Variants in CEP170 observed in about 807,000 individuals in gnomAD.
CEP170 encodes the protein centrosomal protein 170, also known as centrosomal protein of 170 kDa.
In CEP170, 21 loss-of-function variants were observed where a neutral mutation model predicts 151.9. The ratio of observed to expected loss-of-function variants is 0.14; its 90% CI spans 0.10 to 0.20. The LOEUF is 0.20. Among genes scored for constraint, CEP170 ranks in the 10% least tolerant of loss-of-function variants. The pLI is 1.00. For synonymous variants in CEP170, 356 were observed against 648.8 expected, an observed-to-expected ratio of 0.55 and a Z score of 6.86; for missense variants, 964 against 1,892.9, an observed-to-expected ratio of 0.51 and a Z score of 9.11.
chr1:243,176,424 C>T (rs2970423), intron 10 of CEP170, among the ~76,000 whole-genome samples: 1 of 151,252 alleles, frequency 6.6e-6, no homozygotes, highest in South Asian at 2.1e-4. Context: ...CTCATTCGTA[C>T]TGGGCGTAGG....
At chr1:243,148,052 G>A (rs9660997) in intron 14 of CEP170, among the ~76,000 whole-genome samples, 4,494 of 151,642 alleles carry the variant, frequency 0.03, 168 homozygotes, top group African/African-American at 0.097. Context: ...GGTGGCATGC[G>A]CCTGTAGTCC....
At chr1:243,248,481 C>T (rs908168596) in intron 1 of CEP170, among the ~76,000 whole-genome samples, 1 of 152,206 alleles carries the variant, frequency 6.6e-6, no homozygotes, top group African/African-American at 2.4e-5. Flanking sequence ...ATTTAACTAT[C>T]CTCAGTCCAA....
At chr1:243,148,774 A>C (rs899428114) in intron 14 of CEP170, among the ~76,000 whole-genome samples, 2 of 152,174 alleles carry the variant, frequency 1.3e-5, no homozygotes, top group Admixed American at 1.3e-4. Context: ...CCTAATGATA[A>C]GGAAAGATCT....
intron 10 of CEP170, among the ~76,000 whole-genome samples, chr1:243,180,033 G>C (rs1558518999): frequency 6.6e-6 from 1 of 152,118 alleles, no homozygotes; most frequent in Non-Finnish European, 1.5e-5. Context: ...TGGCGGTGAT[G>C]GTTGTGCAAC....
intron 17 of CEP170, among the ~76,000 whole-genome samples, chr1:243,130,068 G>T (rs2054216525): frequency 6.6e-6 from 1 of 152,122 alleles, no homozygotes. Context: ...CATCCAGTGG[G>T]TATCTTGGAA....
intron 2 of CEP170, among the ~76,000 whole-genome samples, chr1:243,222,705 C>T (rs147547303): frequency 2.6e-5 from 4 of 152,232 alleles, no homozygotes; most frequent in South Asian, 2.1e-4. Flanking sequence ...CTGAAGTCAT[C>T]GCTCCCATCT....
intron 10 of CEP170, among the ~76,000 whole-genome samples, chr1:243,182,692 G>A (rs1380955962): frequency 1.3e-5 from 2 of 151,352 alleles, no homozygotes; most frequent in African/African-American, 4.9e-5. Context: ...AACAAGTCAT[G>A]TGTGCTCCTG....
chr1:243,124,988 T>TA lies in CEP170; in HGVS notation c.*1460dup, dbSNP rs1229075553. 2.6e-5 allele frequency: 4 copies of TA among 152,160 alleles called. No individual in the cohort carries two copies. The highest frequency in any genetic ancestry group is 9.7e-5 in the African/African-American group (4 of 41,426). 9.4% of individuals were successfully genotyped at this position (152,160 alleles called of 1,614,324 possible). A position where few individuals can be genotyped will look rare whatever the true frequency, so the allele number is the denominator to read the frequency against. On this transcript the variant is annotated 3_prime_UTR_variant, in exon 20 of 20. Transcript: ENST00000366542. ...TTAATTGATCCAACAATACAGGATT[T>TA]AAAAAATCCTGTAAAGTCTTGAAGT... is the stretch of plus-strand genomic sequence containing the variant.
chr1:243,157,011 T>C (rs1193577422), intron 13 of CEP170, among the ~76,000 whole-genome samples: 1 of 152,208 alleles, frequency 6.6e-6, no homozygotes, highest in Non-Finnish European at 1.5e-5. Context: ...ATTACCTCTG[T>C]CATTCAACAT....
intron 15 of CEP170, among the ~76,000 whole-genome samples, chr1:243,141,433 T>C (rs1283360103): frequency 1.3e-5 from 2 of 152,170 alleles, no homozygotes; most frequent in African/African-American, 4.8e-5. Context: ...GTAATTTTCA[T>C]GTTGCGAATT....
rs142127168 is a variant in CEP170, at chr1:243,135,106, C to T, written c.4319+1037G>A. On this transcript the variant is annotated intron_variant, in intron 17 of 19. Transcript: ENST00000366542. ...AAATAAATAGAAAAATGGGACAAGA[C>T]GGTGCAGAATACATTACTTTTAACA... Among the ~76,000 whole-genome samples the T allele has an allele frequency of 3.5e-3, 525 of 152,164 alleles. 2 individuals are homozygous for T. The highest frequency in any genetic ancestry group is 0.011 in the African/African-American group (474 of 41,508).
At chr1:243,187,933 T>G (rs1167903218) in intron 8 of CEP170, among the ~76,000 whole-genome samples, 1 of 152,118 alleles carries the variant, frequency 6.6e-6, no homozygotes. Context: ...TAATAGTGAT[T>G]AATACTATAA....
intron 17 of CEP170, among the ~76,000 whole-genome samples, chr1:243,134,735 C>T (rs1001675752): frequency 1.3e-5 from 2 of 151,368 alleles, no homozygotes; most frequent in African/African-American, 4.9e-5. Context: ...CTCAAATGAT[C>T]CGCCTGCCTT....
rs146730551 is a variant in CEP170, at chr1:243,221,076, G to C, written c.195+648C>G. On this transcript the variant is annotated intron_variant, in intron 3 of 19. Coordinates refer to ENST00000366542, the MANE Select transcript of CEP170 (RefSeq NM_014812.3). ...TGCTTGTTCTGTCGCCCAGGCTGGA[G>C]TGCAGTGGCGCTGTCTCGGCTCACA... Among the ~76,000 whole-genome samples, 721 of 152,194 alleles carry C rather than the reference G, an allele frequency of 4.7e-3. 3 individuals are homozygous for C. The highest frequency in any genetic ancestry group is 0.014 in the African/African-American group (571 of 41,530).
intron 3 of CEP170, among the ~76,000 whole-genome samples, chr1:243,220,864 A>G (rs2062738798): frequency 1.3e-5 from 2 of 152,240 alleles, no homozygotes; most frequent in Non-Finnish European, 2.9e-5. Context: ...AATTCACTTC[A>G]GTAACACAAA....
intron 2 of CEP170, among the ~76,000 whole-genome samples, chr1:243,224,680 A>G (rs1210966634): frequency 6.6e-6 from 1 of 152,160 alleles, no homozygotes; most frequent in Non-Finnish European, 1.5e-5. Context: ...AGTAACTTAC[A>G]GTAACTTTTA....
At chr1:243,236,919 A>G (rs1045855935) in intron 1 of CEP170, among the ~76,000 whole-genome samples, 1 of 152,356 alleles carries the variant, frequency 6.6e-6, no homozygotes, top group African/African-American at 2.4e-5. Flanking sequence ...TAATTTTAGC[A>G]TATCACTAAT....
intron 13 of CEP170, among the ~76,000 whole-genome samples, chr1:243,162,075 T>C (rs1187723157): frequency 6.6e-6 from 1 of 152,146 alleles, no homozygotes; most frequent in Non-Finnish European, 1.5e-5. Context: ...CAATATGGCT[T>C]TACACTCATA....
rs771559393 is a variant in CEP170 at position 243,169,735 on chromosome 1, C to G, written c.1736G>C (p.Gly579Ala). 1.9e-6 allele frequency: 3 copies of G among 1,613,418 alleles called. No homozygotes were observed. The highest frequency in any genetic ancestry group is 2.5e-6 in the Non-Finnish European group (3 of 1,179,632). ...HHSEEGTSSS[G>A]SKRWVSQWAS... ...CCACTGTGAAACCCAACGTTTGCTT[C>G]CAGATGAAGATGTGCCTTCCTAAAG... Residue 579 changes from glycine (G) to alanine (A), a missense_variant, in exon 12 of 20, where the codon GGA becomes GCA. Coordinates refer to ENST00000366542, the MANE Select transcript of CEP170 (RefSeq NM_014812.3).
Sources: allele counts gnomAD v4.1 joint callset (sites outside exome capture counted in the v4.1 genomes callset), GRCh38; gene constraint gnomAD v4.1.1; transcripts MANE v1.5; gene names NCBI Gene and HGNC (gene_info 2026-07-23, HGNC 2026-07-21).